PAX5: variants seen among roughly 807,000 people sequenced by gnomAD.
PAX5 encodes paired box protein Pax-5.
In PAX5, 9 loss-of-function variants were observed where a neutral mutation model predicts 43.7. The observed-to-expected ratio is 0.21, with a 90% CI of 0.12 to 0.36. The LOEUF (loss-of-function observed/expected upper bound fraction) is 0.36, where lower values mean the gene tolerates loss of function less well. Among genes scored for constraint, PAX5 ranks in the 10% least tolerant of loss-of-function variants. The probability of loss-of-function intolerance (pLI) is 1.00; values close to 1 mark genes in which losing one functional copy is unlikely to be tolerated. For missense variants in PAX5, 383 were observed against 532.7 expected, an observed-to-expected ratio of 0.72 and a Z score of 2.77; for synonymous variants, 228 against 214.3, an observed-to-expected ratio of 1.06 and a Z score of -0.56.
At position 36,842,901 on chromosome 9, in the gene PAX5, C is replaced by G. The variant is rs904951481; in HGVS notation, c.1100-2265G>C. 9.9e-5 allele frequency among the ~76,000 whole-genome samples: 15 copies of G among 152,200 alleles called. 1 individual carries two copies. Among genetic ancestry groups the G allele is most frequent in the Admixed American group, 3.3e-4 (5 of 15,284 alleles). On this transcript the variant is annotated intron_variant, in intron 9 of 9. Coordinates refer to ENST00000358127, the MANE Select transcript of PAX5 (RefSeq NM_016734.3). ...CCTTCTGCTTCATCTCCTGGCATCG[C>G]TGATCCTCACCTTGGCCATTCCTGG...
intron 9 of PAX5, among the ~76,000 whole-genome samples, 166 bp from the exon 10 acceptor site, chr9:36,840,802 C>A (rs1158807354): frequency 6.6e-6 from 1 of 152,200 alleles, no homozygotes; most frequent in East Asian, 1.9e-4. Flanking sequence ...ATCAGGGCCA[C>A]AACCTGCTCA....
chr9:36,888,979 G>A (rs1247869091), intron 7 of PAX5, among the ~76,000 whole-genome samples: 1 of 152,206 alleles, frequency 6.6e-6, no homozygotes, highest in African/African-American at 2.4e-5. Context: ...GTAATACAAC[G>A]ATCTGAGCAT....
chr9:36,947,959 G>C (rs139886448), intron 6 of PAX5, among the ~76,000 whole-genome samples: 1 of 152,046 alleles, frequency 6.6e-6, no homozygotes, highest in African/African-American at 2.4e-5. Flanking sequence ...AGGCAGAGCC[G>C]TGTCTATATC....
At position 36,962,750 on chromosome 9, in the gene PAX5, C is replaced by A. The variant is rs528889977; in HGVS notation, c.780+3799G>T. Among the ~76,000 whole-genome samples, 31 of 152,348 alleles carry A rather than the reference C, an allele frequency of 2.0e-4. No individual in the cohort carries two copies. The South Asian group carries it at 3.7e-3, about 18-fold the overall frequency. ...CCAGTAAGTGCTCTTTGTTCCCCAC[C>A]AAGCTGCTCAGCGAAAGTGACAGCA... On this transcript the variant is annotated intron_variant, in intron 6 of 9. Transcript: ENST00000358127.
chr9:36,983,968 T>C (rs576692699), intron 5 of PAX5, among the ~76,000 whole-genome samples: 1 of 152,328 alleles, frequency 6.6e-6, no homozygotes, highest in Non-Finnish European at 1.5e-5. Flanking sequence ...GAAATAAATG[T>C]ACTTCCTTGA....
chr9:36,855,144 G>A (rs971766289), intron 8 of PAX5, among the ~76,000 whole-genome samples: 1 of 152,260 alleles, frequency 6.6e-6, no homozygotes, highest in Non-Finnish European at 1.5e-5. Flanking sequence ...CGGTGCCTCT[G>A]CCACAGGGCA....
intron 7 of PAX5, among the ~76,000 whole-genome samples, chr9:36,897,009 G>A (rs1303305871): frequency 6.6e-6 from 1 of 152,214 alleles, no homozygotes; most frequent in Non-Finnish European, 1.5e-5. Flanking sequence ...TTCTGGAGGA[G>A]AAGGCACTGA....
chr9:36,872,260 A>G (rs529783048), intron 8 of PAX5, among the ~76,000 whole-genome samples: 3 of 152,304 alleles, frequency 2.0e-5, no homozygotes, highest in Non-Finnish European at 4.4e-5. Context: ...GCCCAGGGCC[A>G]CTGTCTTATT....
At chr9:36,961,330 G>A (rs947725890) in intron 6 of PAX5, among the ~76,000 whole-genome samples, 2 of 152,216 alleles carry the variant, frequency 1.3e-5, no homozygotes, top group Non-Finnish European at 2.9e-5. Context: ...TCTTCTCCCA[G>A]TTTAACCTCC....
rs141792877 is a variant in PAX5 at position 36,839,240 on chromosome 9, C to T, written c.*1320G>A. The T allele has an allele frequency of 7.1e-4, 166 of 233,678 alleles. No homozygotes were observed. Among genetic ancestry groups the T allele is most frequent in the African/African-American group, 3.6e-3 (163 of 45,492 alleles). 14.5% of individuals were successfully genotyped at this position (233,678 alleles called of 1,614,324 possible). Reference sequence around the variant, plus strand: ...TTCCCTGCTGGCTTCCTCTGACCACCCTAGCCCACAGTGAGTTCTCCAAGC... The same window carrying T: ...TTCCCTGCTGGCTTCCTCTGACCACTCTAGCCCACAGTGAGTTCTCCAAGC... On this transcript the variant is annotated 3_prime_UTR_variant, in exon 10 of 10. Transcript: ENST00000358127.
intron 7 of PAX5, among the ~76,000 whole-genome samples, chr9:36,909,938 C>T (rs1350968153): frequency 1.3e-5 from 2 of 150,868 alleles, no homozygotes; most frequent in African/African-American, 4.9e-5. Context: ...CCTCCTGCCC[C>T]AGCCTCCCAA....
chr9:36,840,558 G>A lies in PAX5; in HGVS notation c.*2C>T. The A allele has an allele frequency of 6.3e-7, 1 of 1,583,922 alleles. No homozygotes were observed. The highest frequency in any genetic ancestry group is 8.6e-7 in the Non-Finnish European group (1 of 1,166,132). On this transcript the variant is annotated 3_prime_UTR_variant, in exon 10 of 10. Transcript: ENST00000358127. ...TGTTTGGTGCCCGCCTGGCTCCAAG[G>A]GTCAGTGACGGTCATAGGCAGTGGC...
At chr9:37,023,122 G>A (rs948223195) in intron 1 of PAX5, among the ~76,000 whole-genome samples, 2 of 152,192 alleles carry the variant, frequency 1.3e-5, no homozygotes, top group Non-Finnish European at 2.9e-5. Flanking sequence ...AACTGAATGA[G>A]ACAGACAACC....
intron 6 of PAX5, among the ~76,000 whole-genome samples, chr9:36,961,726 G>A (rs1167855598): frequency 6.6e-6 from 1 of 152,148 alleles, no homozygotes; most frequent in Non-Finnish European, 1.5e-5. Context: ...GGAGGGACCC[G>A]CTCCCAACAG....
intron 8 of PAX5, 70 bp downstream of exon 8, chr9:36,881,934 G>A (rs973843299): frequency 3.7e-6 from 4 of 1,091,940 alleles, no homozygotes; most frequent in East Asian, 5.2e-5. Context: ...CAGGCTGTTT[G>A]GGGGGGGATG....
rs1821792547 is a variant in PAX5 at position 36,838,393 on chromosome 9, C to G, written c.*2167G>C. Reference sequence around the variant, plus strand: ...ACAGGGAACACCATGGGTTGGGGGTCAGGAGCCCGAGTCCCAGCCCCACCC... The same window carrying G: ...ACAGGGAACACCATGGGTTGGGGGTGAGGAGCCCGAGTCCCAGCCCCACCC... On this transcript the variant is annotated 3_prime_UTR_variant, in exon 10 of 10. Transcript: ENST00000358127. The G allele has an allele frequency of 8.6e-6, 2 of 232,768 alleles. No homozygotes were observed. Among genetic ancestry groups the G allele is most frequent in the Non-Finnish European group, 1.7e-5 (2 of 117,848 alleles). 14.4% of individuals were successfully genotyped at this position (232,768 alleles called of 1,614,324 possible). A position where few individuals can be genotyped will look rare whatever the true frequency, so the allele number is the denominator to read the frequency against.
At position 37,001,827 on chromosome 9, in the gene PAX5, T is replaced by TTTA. The variant is rs61514710; in HGVS notation, c.604+820_604+821insTAA. Among the ~76,000 whole-genome samples the TTTA allele has an allele frequency of 6.0e-5, 8 of 133,006 alleles. No homozygotes were observed. In the East Asian group the frequency reaches 9.2e-4, roughly 15 times the overall value. The allele number at this position is 133,006 out of a possible 152,430, so 87.3% of individuals were successfully genotyped here. A position where few individuals can be genotyped will look rare whatever the true frequency, so the allele number is the denominator to read the frequency against. ...AGCTCTGGCTTTTTTTTTTTTTTTT[T>TTTA]TTTTTTTCTTTTCCTGACTAAGGTT... On this transcript the variant is annotated intron_variant, in intron 5 of 9. Transcript: ENST00000358127.
At chr9:36,895,494 A>G (rs1254069262) in intron 7 of PAX5, among the ~76,000 whole-genome samples, 1 of 152,194 alleles carries the variant, frequency 6.6e-6, no homozygotes, top group African/African-American at 2.4e-5. Flanking sequence ...GTTGTTCTAT[A>G]ACCTTGGGCA....
chr9:36,929,277 G>GGAAGGAAGGAATGAAGGAAC (rs1554666317), intron 6 of PAX5, among the ~76,000 whole-genome samples: 3 of 150,110 alleles, frequency 2.0e-5, no homozygotes, highest in African/African-American at 4.9e-5. Context: ...AAGGAAGGAA[G>GGAAGGAAGGAATGAAGGAAC]GAAGGAAGGA....
Sources: allele counts gnomAD v4.1 joint callset (sites outside exome capture counted in the v4.1 genomes callset), GRCh38; gene constraint gnomAD v4.1.1; transcripts MANE v1.5; gene names NCBI Gene and HGNC (gene_info 2026-07-23, HGNC 2026-07-21).